CAMK1D: variants seen among roughly 807,000 people sequenced by gnomAD.
CAMK1D encodes calcium/calmodulin-dependent protein kinase type 1D.
A neutral mutation model predicts 47.7 loss-of-function variants in CAMK1D; 9 were observed. The ratio of observed to expected loss-of-function variants is 0.19; its 90% CI spans 0.11 to 0.33. The LOEUF is 0.33. Among genes scored for constraint, CAMK1D ranks in the 10% least tolerant of loss-of-function variants. The pLI is 1.00. For missense variants in CAMK1D, 291 were observed against 488.7 expected, an observed-to-expected ratio of 0.60 and a Z score of 3.81; for synonymous variants, 184 against 184.9, an observed-to-expected ratio of 0.99 and a Z score of 0.04.
chr10:12,479,553 G>A (rs1037493187), intron 1 of CAMK1D, among the ~76,000 whole-genome samples: 4 of 152,202 alleles, frequency 2.6e-5, no homozygotes, highest in African/African-American at 7.2e-5. Context: ...CGCTGCTGTG[G>A]GGACCATGCT....
At chr10:12,599,864 A>T (rs374551709) in intron 2 of CAMK1D, among the ~76,000 whole-genome samples, 1 of 152,250 alleles carries the variant, frequency 6.6e-6, no homozygotes, top group South Asian at 2.1e-4. Context: ...GGATTGTTAA[A>T]TGCACACATT....
chr10:12,681,752 GT>G (rs535809065), intron 3 of CAMK1D, among the ~76,000 whole-genome samples: 3 of 152,332 alleles, frequency 2.0e-5, no homozygotes, highest in African/African-American at 7.2e-5. Flanking sequence ...ATTTTGGTAT[GT>G]TGGTTAAAAA....
rs1833482402 is a variant in CAMK1D at position 12,834,998 on chromosome 10, A to AT, written c.*6112dup. ...CTTGGCCCTATCAGAGGGACATGAA[A>AT]TGCTGTCCGAATGGTGGCAGAAATG... is the stretch of plus-strand genomic sequence containing the variant. On this transcript the variant is annotated 3_prime_UTR_variant, in exon 11 of 11. Transcript: ENST00000619168. 6.6e-6 allele frequency: 1 copy of AT among 152,218 alleles called. No homozygotes were observed. The highest frequency in any genetic ancestry group is 2.4e-5 in the African/African-American group (1 of 41,456). 9.4% of individuals were successfully genotyped at this position (152,218 alleles called of 1,614,324 possible).
intron 6 of CAMK1D, among the ~76,000 whole-genome samples, chr10:12,797,541 C>G (rs1431295176): frequency 6.6e-6 from 1 of 152,116 alleles, no homozygotes; most frequent in African/African-American, 2.4e-5. Context: ...CTCCTTTCTT[C>G]TGCTTTAAAG....
At chr10:12,515,749 A>C (rs572989200) in intron 1 of CAMK1D, among the ~76,000 whole-genome samples, 9 of 151,514 alleles carry the variant, frequency 5.9e-5, no homozygotes, top group Admixed American at 4.6e-4. Flanking sequence ...AGCTGGGACT[A>C]TAAGCGCCTG....
intron 1 of CAMK1D, among the ~76,000 whole-genome samples, chr10:12,387,445 T>TTATATATATATATATA (rs373637712): frequency 5.4e-3 from 357 of 66,258 alleles, no homozygotes; most frequent in Admixed American, 8.3e-3. Flanking sequence ...TATATATATT[T>TTATATATATATATATA]TATATATATA....
intron 3 of CAMK1D, among the ~76,000 whole-genome samples, chr10:12,684,495 TA>T (rs148992018): frequency 0.014 from 2,135 of 151,618 alleles, 50 homozygotes; most frequent in African/African-American, 0.049. Flanking sequence ...ATAACTAATT[TA>T]AAAAAAAATG....
intron 1 of CAMK1D, among the ~76,000 whole-genome samples, chr10:12,472,270 T>C (rs1833770027): frequency 6.6e-6 from 1 of 152,020 alleles, no homozygotes; most frequent in Non-Finnish European, 1.5e-5. Flanking sequence ...ATCACGAGCA[T>C]GTATAGGTTA....
At chr10:12,728,354 T>C (rs1834748605) in intron 3 of CAMK1D, among the ~76,000 whole-genome samples, 1 of 152,252 alleles carries the variant, frequency 6.6e-6, no homozygotes, top group Admixed American at 6.5e-5. Context: ...GGACAGATTC[T>C]TGGGCAGCGC....
intron 1 of CAMK1D, among the ~76,000 whole-genome samples, chr10:12,400,849 G>C (rs988310376): frequency 6.6e-6 from 1 of 150,430 alleles, no homozygotes; most frequent in Non-Finnish European, 1.5e-5. Context: ...AGGCACAGTG[G>C]CTCGCACCTG....
At position 12,375,137 on chromosome 10, in the gene CAMK1D, G is replaced by A. The variant is rs117602190; in HGVS notation, c.92+25227G>A. On this transcript the variant is annotated intron_variant, in intron 1 of 10. Coordinates refer to ENST00000619168, the MANE Select transcript of CAMK1D (RefSeq NM_153498.4). ...CGGGAAAATTTTCTCTGATGCAACC[G>A]AAATCTTCATGAGAGCAGGGGACAC... is the stretch of plus-strand genomic sequence containing the variant. Among the ~76,000 whole-genome samples, 31 of 152,098 alleles carry A rather than the reference G, an allele frequency of 2.0e-4. 1 individual carries two copies. In the East Asian group the frequency reaches 5.2e-3, roughly 26 times the overall value.
At chr10:12,442,405 C>A (rs112974592) in intron 1 of CAMK1D, among the ~76,000 whole-genome samples, 1 of 151,984 alleles carries the variant, frequency 6.6e-6, no homozygotes, top group Non-Finnish European at 1.5e-5. Flanking sequence ...GGCGTGAACC[C>A]GGGAGGCAGA....
intron 2 of CAMK1D, among the ~76,000 whole-genome samples, chr10:12,637,755 C>T (rs1276312960): frequency 2.0e-5 from 3 of 152,152 alleles, no homozygotes; most frequent in Non-Finnish European, 4.4e-5. Flanking sequence ...ACTCCTTTAG[C>T]CTTTGTGAGG....
intron 2 of CAMK1D, among the ~76,000 whole-genome samples, chr10:12,600,786 A>G (rs74585886): frequency 0.033 from 4,985 of 152,200 alleles, 273 homozygotes; most frequent in African/African-American, 0.11. Flanking sequence ...CCATTCTTCT[A>G]CCCTTCTAAG....
intron 1 of CAMK1D, among the ~76,000 whole-genome samples, chr10:12,427,254 G>A (rs1840265909): frequency 1.3e-5 from 2 of 152,242 alleles, no homozygotes; most frequent in South Asian, 4.1e-4. Flanking sequence ...AGGGTGGGTA[G>A]GGTTAGGGAC....
intron 2 of CAMK1D, among the ~76,000 whole-genome samples, chr10:12,572,853 G>A (rs1339168740): frequency 1.3e-5 from 2 of 152,058 alleles, no homozygotes; most frequent in African/African-American, 4.8e-5. Context: ...GGCTGGTCTT[G>A]AACTCTTGGG....
At chr10:12,763,249 A>G (rs1470171920) in intron 4 of CAMK1D, among the ~76,000 whole-genome samples, 1 of 152,166 alleles carries the variant, frequency 6.6e-6, no homozygotes, top group Non-Finnish European at 1.5e-5. Flanking sequence ...GGACTACTAA[A>G]TTTGCGTAAA....
intron 1 of CAMK1D, among the ~76,000 whole-genome samples, chr10:12,470,054 T>C (rs1027094216): frequency 3.3e-5 from 5 of 152,254 alleles, no homozygotes; most frequent in African/African-American, 9.6e-5. Context: ...TGATTTCAAA[T>C]GTTCATTTGT....
intron 3 of CAMK1D, among the ~76,000 whole-genome samples, chr10:12,756,097 T>C (rs1338741915): frequency 6.6e-6 from 1 of 152,244 alleles, no homozygotes; most frequent in East Asian, 1.9e-4. Context: ...CAGACTGCTC[T>C]CACAGCATTG....
Sources: gnomAD v4.1 joint callset for allele counts (sites outside exome capture counted in the v4.1 genomes callset) on GRCh38, gnomAD v4.1.1 for gene constraint, MANE v1.5 for transcripts, NCBI Gene and HGNC (gene_info 2026-07-23, HGNC 2026-07-21) for gene names.